The following MTMR12 variants were observed in gnomAD, a reference collection of about 807,000 sequenced individuals.
MTMR12 encodes the protein myotubularin-related protein 12.
Under a neutral mutation model 96.7 loss-of-function variants are expected in MTMR12, and 33 were observed. The ratio of observed to expected loss-of-function variants is 0.34; its 90% CI spans 0.26 to 0.46. The LOEUF (loss-of-function observed/expected upper bound fraction) is 0.46. Ranked by LOEUF, MTMR12 falls within the 20% of genes least tolerant of loss-of-function variation. The pLI, the probability that MTMR12 is intolerant of heterozygous loss-of-function variation, is 1.00. For missense variants in MTMR12, 721 were observed against 896.1 expected, an observed-to-expected ratio of 0.80 and a Z score of 2.49; for synonymous variants, 298 against 327.2, an observed-to-expected ratio of 0.91 and a Z score of 0.96.
In MTMR12 at chr5:32,233,839, G is replaced by T; in HGVS notation, c.1608C>A (p.Leu536=). 6.2e-7 allele frequency: 1 copy of T among 1,614,176 alleles called. No homozygotes were observed. Among genetic ancestry groups the T allele is most frequent in the Non-Finnish European group, 8.5e-7 (1 of 1,180,038 alleles). ...GCTTTTCCACATAAAGAGGGTTTTTGAGCAATGTCTGGGCTTTGGGTTCAA... is the reference window on the plus strand; with the variant it reads ...GCTTTTCCACATAAAGAGGGTTTTTTAGCAATGTCTGGGCTTTGGGTTCAA... The part of the protein sequence containing the change: ...VQFEPKAQTL[L]KNPLYVEKPK... Residue 536 remains leucine, a synonymous_variant, in exon 15 of 16, where the codon CTC becomes CTA. Transcript: ENST00000382142. The surrounding 1 kb of genome is among the most constrained non-coding windows in gnomAD (Gnocchi z 5.0).
chr5:32,298,952 C>CAAAAA (rs766708610), intron 1 of MTMR12, among the ~76,000 whole-genome samples: 1 of 54,640 alleles, frequency 1.8e-5, no homozygotes. Flanking sequence ...GACTCCATCT[C>CAAAAA]AAAAAAAAAA....
chr5:32,234,952 G>T lies in MTMR12; in HGVS notation c.1512+10C>A. ...TCTTTAATACACAGGTTCCTAAGAG[G>T]GACTCTTACCATGTTAGTATCTTTT... On this transcript the variant is annotated intron_variant, in intron 14 of 15. Transcript: ENST00000382142. 6.2e-7 allele frequency: 1 copy of T among 1,605,618 alleles called. No homozygotes were observed. The highest frequency in any genetic ancestry group is 8.5e-7 in the Non-Finnish European group (1 of 1,173,616).
chr5:32,242,870 C>A (rs1310793341), intron 11 of MTMR12, among the ~76,000 whole-genome samples: 1 of 151,978 alleles, frequency 6.6e-6, no homozygotes, highest in African/African-American at 2.4e-5. Context: ...GGCTCCTTTC[C>A]GCAGTACTCA....
chr5:32,284,220 G>C (rs1299333751), intron 1 of MTMR12, among the ~76,000 whole-genome samples: 1 of 150,676 alleles, frequency 6.6e-6, no homozygotes, highest in African/African-American at 2.4e-5. Flanking sequence ...CAGAAGGCTG[G>C]GGCGGGAGAA....
intron 10 of MTMR12, 119 bp from the exon 11 acceptor site, chr5:32,243,718 A>G: frequency 1.6e-6 from 1 of 626,416 alleles, no homozygotes; most frequent in Non-Finnish European, 2.8e-6. Flanking sequence ...AAACTGCAGA[A>G]TCCAGGCACA....
intron 6 of MTMR12, among the ~76,000 whole-genome samples, chr5:32,266,163 G>A (rs1749583673): frequency 6.6e-6 from 1 of 152,132 alleles, no homozygotes. Flanking sequence ...CTCCACAGAG[G>A]ACACATCACT....
intron 1 of MTMR12, among the ~76,000 whole-genome samples, chr5:32,304,208 T>C (rs1417556736): frequency 6.6e-6 from 1 of 151,826 alleles, no homozygotes; most frequent in Non-Finnish European, 1.5e-5. Context: ...TAGTCCCAGC[T>C]ACTCGGGAGG....
chr5:32,286,519 CAA>C (rs1373403332), intron 1 of MTMR12, among the ~76,000 whole-genome samples: 1 of 131,048 alleles, frequency 7.6e-6, no homozygotes. Context: ...GACCCTGTCT[CAA>C]AAAAAAAAAA....
At chr5:32,242,013 G>A (rs761244176) in intron 12 of MTMR12, 44 bp downstream of exon 12, 1 of 1,519,476 alleles carries the variant, frequency 6.6e-7, no homozygotes, top group Non-Finnish European at 9.1e-7. Context: ...TGAATCTCAA[G>A]TGAAGGAAAA....
chr5:32,255,416 G>T (rs1258505040), intron 8 of MTMR12, among the ~76,000 whole-genome samples: 1 of 152,198 alleles, frequency 6.6e-6, no homozygotes, highest in Non-Finnish European at 1.5e-5. Flanking sequence ...ATGACTTAGT[G>T]TTAAACCGGG....
In MTMR12 at chr5:32,242,117, T is replaced by C. The variant is rs973712256; in HGVS notation, c.1111A>G (p.Lys371Glu). ...SWLDIIRRCL[K>E]KAIEITECME... Reference sequence around the variant, plus strand: ...CATTCTGTAATCTCTATTGCTTTTTTCAGGCAACGTCTGAATAGGAAAGAG... The same window carrying C: ...CATTCTGTAATCTCTATTGCTTTTTCCAGGCAACGTCTGAATAGGAAAGAG... The change falls in exon 12 of 16, where the codon AAA (lysine) becomes GAA (glutamate). Residue 371 changes from lysine to glutamate, a missense_variant. Lys to Glu is a moderately conservative substitution (Grantham distance 56). Transcript: ENST00000382142. 5 of 1,612,460 alleles carry C rather than the reference T, an allele frequency of 3.1e-6. No homozygotes were observed. Among genetic ancestry groups the C allele is most frequent in the African/African-American group, 2.7e-5 (2 of 74,902 alleles).
Position 32,312,373 on chromosome 5 carries a change from C to G in MTMR12, c.81+385G>C, listed in dbSNP as rs748242725. On this transcript the variant is annotated intron_variant, in intron 1 of 15. Coordinates refer to ENST00000382142, the MANE Select transcript of MTMR12 (RefSeq NM_001040446.3). The surrounding 1 kb of genome is among the most constrained non-coding windows in gnomAD (Gnocchi z 5.0). ...TCACTGAGAAAGTCCAGAGGCAGGA[C>G]GGACCCACGCGGGCTCCGAGCAGGC... Among the ~76,000 whole-genome samples the G allele has an allele frequency of 2.0e-5, 3 of 152,210 alleles. No homozygotes were observed. Among genetic ancestry groups the G allele is most frequent in the Non-Finnish European group, 2.9e-5 (2 of 68,028 alleles).
chr5:32,239,221 T>C, intron 12 of MTMR12, 48 bp from the exon 13 acceptor site: 1 of 1,477,420 alleles, frequency 6.8e-7, no homozygotes, highest in Non-Finnish European at 9.0e-7. Context: ...GGGCATAAAA[T>C]GTTAAAAAGT....
At chr5:32,260,496 C>A (rs575019413) in intron 7 of MTMR12, among the ~76,000 whole-genome samples, 3 of 151,832 alleles carry the variant, frequency 2.0e-5, no homozygotes, top group Admixed American at 6.6e-5. Context: ...TTTTTAAAAA[C>A]AATTCTGGGA....
intron 1 of MTMR12, among the ~76,000 whole-genome samples, chr5:32,281,322 C>T (rs1194654966): frequency 6.6e-6 from 1 of 151,222 alleles, no homozygotes; most frequent in African/African-American, 2.4e-5. Flanking sequence ...TCTTGTTTCC[C>T]ATATTAAACT....
At chr5:32,231,695 C>G (rs935983494) in intron 15 of MTMR12, among the ~76,000 whole-genome samples, 4 of 151,968 alleles carry the variant, frequency 2.6e-5, no homozygotes, top group Admixed American at 2.0e-4. Context: ...TCCACAAGAC[C>G]ACAGCTCGGA....
intron 1 of MTMR12, among the ~76,000 whole-genome samples, chr5:32,301,011 G>A: frequency 6.6e-6 from 1 of 152,152 alleles, no homozygotes; most frequent in East Asian, 1.9e-4. Flanking sequence ...GGAGGTGGAG[G>A]ATGCAGTGAG....
At chr5:32,292,839 A>C (rs1256990879) in intron 1 of MTMR12, among the ~76,000 whole-genome samples, 1 of 152,276 alleles carries the variant, frequency 6.6e-6, no homozygotes, top group Non-Finnish European at 1.5e-5. Flanking sequence ...GCAGTCATCA[A>C]TACCAGCTAC....
chr5:32,296,598 C>T (rs1750936101), intron 1 of MTMR12: 2 of 203,664 alleles, frequency 9.8e-6, no homozygotes, highest in Non-Finnish European at 2.2e-5. Context: ...TGCTTGAGGC[C>T]AGGAGTTTGA....
Sources: allele counts gnomAD v4.1 joint callset (sites outside exome capture counted in the v4.1 genomes callset), GRCh38; gene constraint gnomAD v4.1.1; non-coding constraint Gnocchi (gnomAD v3.1); transcripts MANE v1.5; gene names NCBI Gene and HGNC (gene_info 2026-07-23, HGNC 2026-07-21).